MARCHF10: variants seen among roughly 807,000 people sequenced by gnomAD.
The protein encoded by MARCHF10 is membrane associated ring-CH-type finger 10.
In MARCHF10, 64 loss-of-function variants were observed where a neutral mutation model predicts 76.2. The ratio of observed to expected loss-of-function variants is 0.84; its 90% CI spans 0.69 to 1.03. The LOEUF is 1.03. MARCHF10 is among the 50% of genes least tolerant of loss of function. The pLI is 0.00. For missense variants in MARCHF10, 875 were observed against 958.0 expected (o/e 0.91, Z 1.14); for synonymous variants, 340 against 357.5 (o/e 0.95, Z 0.55).
intron 4 of MARCHF10, among the ~76,000 whole-genome samples, chr17:62,756,214 C>T (rs8080107): frequency 0.52 from 78,312 of 151,704 alleles, 21,241 homozygotes; most frequent in East Asian, 0.7. Flanking sequence ...CGCCATTGCA[C>T]TTCAGCCTGG....
At chr17:62,757,763 T>C (rs915729892) in intron 4 of MARCHF10, among the ~76,000 whole-genome samples, 1 of 152,198 alleles carries the variant, frequency 6.6e-6, no homozygotes, top group Non-Finnish European at 1.5e-5. Flanking sequence ...GTAGAGGCTT[T>C]TACTACAAGT....
At chr17:62,713,663 G>A (rs1212755345) in intron 8 of MARCHF10, among the ~76,000 whole-genome samples, 1 of 152,218 alleles carries the variant, frequency 6.6e-6, no homozygotes, top group Non-Finnish European at 1.5e-5. Context: ...AACTCAAAGA[G>A]TTCCACCGCA....
rs376907267 is a variant in MARCHF10, at chr17:62,763,375, A to G, written c.211-3369T>C. 5.3e-5 allele frequency among the ~76,000 whole-genome samples: 8 copies of G among 152,328 alleles called. 1 individual carries two copies. The East Asian group carries it at 9.7e-4, about 18-fold the overall frequency. On this transcript the variant is annotated intron_variant, in intron 3 of 10. Transcript: ENST00000311269. ...GTTTCTTCTCCAGGGAATATAATCT[A>G]TAATAGTATGACAATCTTATAAATG...
chr17:62,773,074 G>C (rs1261532575), intron 3 of MARCHF10, among the ~76,000 whole-genome samples: 1 of 152,144 alleles, frequency 6.6e-6, no homozygotes, highest in Non-Finnish European at 1.5e-5. Flanking sequence ...CGGCCAAAGA[G>C]GTTTGCGGCA....
At chr17:62,791,095 A>C (rs2092834236) in intron 2 of MARCHF10, among the ~76,000 whole-genome samples, 1 of 152,266 alleles carries the variant, frequency 6.6e-6, no homozygotes, top group Non-Finnish European at 1.5e-5. Flanking sequence ...AACACTAGGC[A>C]GTAACCATAA....
intron 3 of MARCHF10, chr17:62,780,817 T>A (rs990926026): frequency 6.6e-6 from 1 of 152,142 alleles, no homozygotes; most frequent in South Asian, 2.1e-4. Context: ...GGGCCCGTGA[T>A]GTGTTGCTTT....
chr17:62,742,247 T>A (rs965833464), intron 5 of MARCHF10, among the ~76,000 whole-genome samples: 1 of 150,126 alleles, frequency 6.7e-6, no homozygotes, highest in South Asian at 2.1e-4. Flanking sequence ...CTTGAACTCC[T>A]GACCTCAAAT....
chr17:62,721,644 C>T (rs994633017), intron 8 of MARCHF10, among the ~76,000 whole-genome samples: 9 of 152,182 alleles, frequency 5.9e-5, no homozygotes, highest in Admixed American at 5.9e-4. Flanking sequence ...CAACTTCCCA[C>T]TTGAGGGTAA....
intron 6 of MARCHF10, chr17:62,726,056 C>T (rs1227543604): frequency 2.0e-5 from 3 of 152,240 alleles, no homozygotes; most frequent in African/African-American, 7.2e-5. Flanking sequence ...AACCTGGACA[C>T]AATCTCCCGA....
chr17:62,751,514 G>A (rs1410123419), intron 4 of MARCHF10, among the ~76,000 whole-genome samples: 1 of 152,154 alleles, frequency 6.6e-6, no homozygotes, highest in Non-Finnish European at 1.5e-5. Context: ...CCAAACCCTG[G>A]TGATGAGAAT....
At chr17:62,759,773 T>G in intron 4 of MARCHF10, 62 bp downstream of exon 4, 3 of 1,539,662 alleles carry the variant, frequency 1.9e-6, no homozygotes, top group Non-Finnish European at 2.7e-6. Flanking sequence ...GCTCGGCCTG[T>G]TGTTGTTATT....
At chr17:62,793,841 C>T (rs1417595446) in intron 2 of MARCHF10, among the ~76,000 whole-genome samples, 2 of 149,784 alleles carry the variant, frequency 1.3e-5, no homozygotes, top group Admixed American at 6.7e-5. Context: ...ACCACCAACA[C>T]CTCCATCACC....
At chr17:62,785,178 A>G (rs1329026623) in intron 3 of MARCHF10, among the ~76,000 whole-genome samples, 2 of 152,190 alleles carry the variant, frequency 1.3e-5, no homozygotes, top group African/African-American at 4.8e-5. Context: ...CAAAACAGAT[A>G]TATAGACCAA....
intron 4 of MARCHF10, among the ~76,000 whole-genome samples, chr17:62,745,258 C>A (rs894496311): frequency 2.0e-5 from 3 of 151,852 alleles, no homozygotes; most frequent in African/African-American, 7.3e-5. Context: ...TGCCTGCCAC[C>A]ATGCCCAGCT....
chr17:62,719,727 A>C (rs2147674903), intron 8 of MARCHF10, among the ~76,000 whole-genome samples: 1 of 151,942 alleles, frequency 6.6e-6, no homozygotes, highest in South Asian at 2.1e-4. Flanking sequence ...GGAAATTCTC[A>C]GTCATTATTG....
At chr17:62,767,789 G>A (rs1327837649) in intron 3 of MARCHF10, among the ~76,000 whole-genome samples, 1 of 151,998 alleles carries the variant, frequency 6.6e-6, no homozygotes, top group Non-Finnish European at 1.5e-5. Flanking sequence ...ATGACTGATG[G>A]AGACTACTAC....
Position 62,736,332 on chromosome 17 carries a change from T to C in MARCHF10, c.1536A>G (p.Pro512=), listed in dbSNP as rs775232847. 5 of 1,614,242 alleles carry C rather than the reference T, an allele frequency of 3.1e-6. No individual in the cohort carries two copies. In the Admixed American group the frequency reaches 6.7e-5, roughly 22 times the overall value. Residue 512 remains proline (P), a synonymous_variant, in exon 6 of 11, where the codon CCA becomes CCG. Transcript: ENST00000311269. The part of the protein sequence containing the change: ...EGNSGFHVCQ[P]LSPIRNRTPF... ...GAGTCCTATTTCTAATGGGAGACAG[T>C]GGTTGGCAAACATGAAACCCTGAGT...
At chr17:62,777,049 C>T (rs2092565505) in intron 3 of MARCHF10, among the ~76,000 whole-genome samples, 2 of 152,176 alleles carry the variant, frequency 1.3e-5, no homozygotes, top group Admixed American at 1.3e-4. Context: ...ACCATTCTCC[C>T]GTCAATCATT....
chr17:62,719,911 A>T (rs534767409), intron 8 of MARCHF10, among the ~76,000 whole-genome samples: 3 of 151,690 alleles, frequency 2.0e-5, no homozygotes, highest in Non-Finnish European at 4.4e-5. Flanking sequence ...GGCAGTTTCT[A>T]TTGGGATATG....
Sources: gnomAD v4.1 joint callset for allele counts (sites outside exome capture counted in the v4.1 genomes callset) on GRCh38, gnomAD v4.1.1 for gene constraint, MANE v1.5 for transcripts, NCBI Gene and HGNC (gene_info 2026-07-23, HGNC 2026-07-21) for gene names.